Variants in SEMA3C observed in about 807,000 individuals in gnomAD.
SEMA3C encodes semaphorin 3C, also known as semaphorin-3C.
In SEMA3C, 47 loss-of-function variants were observed where a neutral mutation model predicts 89.4. The observed-to-expected ratio is 0.53, with a 90% confidence interval of 0.42 to 0.67. The LOEUF is 0.67. Ranked by LOEUF, SEMA3C falls within the 30% of genes least tolerant of loss-of-function variation. The pLI, the probability that SEMA3C is intolerant of heterozygous loss-of-function variation, is 0.00. For missense variants in SEMA3C, 839 were observed against 929.1 expected, an observed-to-expected ratio of 0.90 and a Z score of 1.26; for synonymous variants, 310 against 320.2, an observed-to-expected ratio of 0.97 and a Z score of 0.34.
chr7:80,793,011 A>G (rs1788980238), intron 11 of SEMA3C, among the ~76,000 whole-genome samples: 1 of 152,214 alleles, frequency 6.6e-6, no homozygotes, highest in Non-Finnish European at 1.5e-5. Context: ...TGCTAACGTA[A>G]AATATTTGTC....
At chr7:80,785,733 C>T (rs764635896) in intron 12 of SEMA3C, among the ~76,000 whole-genome samples, 4 of 152,146 alleles carry the variant, frequency 2.6e-5, no homozygotes, top group Non-Finnish European at 4.4e-5. Context: ...CTCAGCCTCC[C>T]GAGTAGCTGG....
chr7:80,907,605 C>T (rs1243261134), intron 2 of SEMA3C, among the ~76,000 whole-genome samples: 1 of 151,950 alleles, frequency 6.6e-6, no homozygotes, highest in Non-Finnish European at 1.5e-5. Context: ...TATTTAATGT[C>T]AGATTCCTAT....
intron 2 of SEMA3C, among the ~76,000 whole-genome samples, chr7:80,905,078 C>G (rs1191476772): frequency 6.6e-6 from 1 of 150,902 alleles, no homozygotes; most frequent in Non-Finnish European, 1.5e-5. Flanking sequence ...GGTATGAAAT[C>G]TGTCAAGAAA....
chr7:80,751,223 G>C, intron 16 of SEMA3C, 46 bp downstream of exon 16: 2 of 1,434,544 alleles, frequency 1.4e-6, no homozygotes, highest in Middle Eastern at 1.8e-4. Context: ...GTGATACGGA[G>C]CATTGCTACT....
At chr7:80,749,864 G>A (rs1787885695) in intron 16 of SEMA3C, among the ~76,000 whole-genome samples, 1 of 152,086 alleles carries the variant, frequency 6.6e-6, no homozygotes, top group Admixed American at 6.5e-5. Flanking sequence ...CTGACACAAA[G>A]TCAGCATCAA....
At chr7:80,872,561 T>C (rs1326411886) in intron 2 of SEMA3C, among the ~76,000 whole-genome samples, 1 of 151,742 alleles carries the variant, frequency 6.6e-6, no homozygotes, top group African/African-American at 2.4e-5. Flanking sequence ...CCCAGCACTT[T>C]GGGAGGTCGA....
intron 2 of SEMA3C, among the ~76,000 whole-genome samples, chr7:80,882,518 T>A (rs897992641): frequency 4.2e-5 from 6 of 143,730 alleles, no homozygotes; most frequent in African/African-American, 1.5e-4. Context: ...AGCTACCTCA[T>A]AGAGCTCATG....
chr7:80,880,503 T>C (rs1791308640), intron 2 of SEMA3C, among the ~76,000 whole-genome samples: 1 of 152,234 alleles, frequency 6.6e-6, no homozygotes, highest in South Asian at 2.1e-4. Context: ...TCATAGTGGT[T>C]GCTTATCTTA....
intron 11 of SEMA3C, among the ~76,000 whole-genome samples, chr7:80,797,638 C>T (rs1192324119): frequency 1.3e-5 from 2 of 152,114 alleles, no homozygotes; most frequent in African/African-American, 4.8e-5. Context: ...AAATAGATTC[C>T]TAGAAATGGA....
chr7:80,752,798 T>C (rs1262684541), intron 15 of SEMA3C, among the ~76,000 whole-genome samples: 1 of 152,112 alleles, frequency 6.6e-6, no homozygotes, highest in African/African-American at 2.4e-5. Context: ...CACACATTGT[T>C]AAAAGTCAGA....
At chr7:80,907,769 A>G (rs1792049338) in intron 2 of SEMA3C, among the ~76,000 whole-genome samples, 1 of 152,014 alleles carries the variant, frequency 6.6e-6, no homozygotes, top group Admixed American at 6.6e-5. Flanking sequence ...TTCTTTTCAA[A>G]TCAAGGGGTA....
intron 10 of SEMA3C, among the ~76,000 whole-genome samples, chr7:80,800,528 A>T (rs937457802): frequency 6.6e-6 from 1 of 152,150 alleles, no homozygotes; most frequent in African/African-American, 2.4e-5. Context: ...GATTTGTTTG[A>T]TAAAAATATC....
At chr7:80,841,334 T>A (rs949614503) in intron 2 of SEMA3C, among the ~76,000 whole-genome samples, 1 of 152,138 alleles carries the variant, frequency 6.6e-6, no homozygotes, top group Non-Finnish European at 1.5e-5. Flanking sequence ...TAAATAAATG[T>A]AGAAAAAAGT....
chr7:80,840,509 T>G (rs1790237848), intron 2 of SEMA3C, among the ~76,000 whole-genome samples: 1 of 121,294 alleles, frequency 8.2e-6, no homozygotes, highest in Non-Finnish European at 1.6e-5. Context: ...ACAGAGCACC[T>G]GTCTCCAGGA....
At chr7:80,919,153 CG>C, upstream of SEMA3C, 2 of 984,646 alleles carry the variant, frequency 2.0e-6, no homozygotes, top group Non-Finnish European at 2.4e-6. Flanking sequence ...CCTGCAGGCT[CG>C]CATCACCACC....
At chr7:80,881,148 G>A (rs1791327806) in intron 2 of SEMA3C, among the ~76,000 whole-genome samples, 1 of 144,908 alleles carries the variant, frequency 6.9e-6, no homozygotes, top group South Asian at 2.2e-4. Flanking sequence ...TGTTACTTTT[G>A]TTGCCTGGAG....
chr7:80,746,724 T>TGTGTGTGTGA (rs1300135537), intron 17 of SEMA3C, among the ~76,000 whole-genome samples: 1 of 150,792 alleles, frequency 6.6e-6, no homozygotes, highest in Non-Finnish European at 1.5e-5. Context: ...GTGGGGTGTG[T>TGTGTGTGTGA]GTGTGTGTGT....
intron 2 of SEMA3C, among the ~76,000 whole-genome samples, chr7:80,836,381 A>G (rs768286236): frequency 3.3e-5 from 5 of 152,158 alleles, no homozygotes; most frequent in Middle Eastern, 3.2e-3. Context: ...GAACCCAGCT[A>G]AAGAATGACA....
chr7:80,905,222 C>G (rs1310618390), intron 2 of SEMA3C, among the ~76,000 whole-genome samples: 2 of 91,958 alleles, frequency 2.2e-5, no homozygotes, highest in African/African-American at 9.5e-5. Context: ...TAGGGAGAGA[C>G]AGGGAGAGAG....
Sources: allele counts gnomAD v4.1 joint callset (sites outside exome capture counted in the v4.1 genomes callset), GRCh38; gene constraint gnomAD v4.1.1; transcripts MANE v1.5; gene names NCBI Gene and HGNC (gene_info 2026-07-23, HGNC 2026-07-21).